Variants in TMEM178B observed in about 807,000 individuals in gnomAD.
TMEM178B encodes the protein transmembrane protein 178B.
In TMEM178B, 5 loss-of-function variants were observed where a neutral mutation model predicts 31.0. The ratio of observed to expected loss-of-function variants is 0.16; its 90% CI spans 0.08 to 0.34. TMEM178B has a LOEUF of 0.34. Among genes scored for constraint, TMEM178B ranks in the 10% least tolerant of loss-of-function variants. The pLI, the probability that TMEM178B is intolerant of heterozygous loss-of-function variation, is 1.00. For synonymous variants in TMEM178B, 164 were observed against 164.0 expected (o/e 1.00, Z 0.00); for missense variants, 275 against 400.3 (o/e 0.69, Z 2.67).
intron 1 of TMEM178B, among the ~76,000 whole-genome samples, chr7:141,180,183 A>G (rs1273332424): frequency 6.6e-6 from 1 of 152,176 alleles, no homozygotes; most frequent in Non-Finnish European, 1.5e-5. Context: ...AAAATTATGA[A>G]TCTAAAGAAA....
At chr7:141,156,697 C>T (rs569485875) in intron 1 of TMEM178B, among the ~76,000 whole-genome samples, 2 of 152,334 alleles carry the variant, frequency 1.3e-5, no homozygotes, top group South Asian at 4.1e-4. Flanking sequence ...TTGACTGCAT[C>T]TATTCTGCGT....
intron 2 of TMEM178B, among the ~76,000 whole-genome samples, chr7:141,285,795 A>T (rs1798439303): frequency 6.6e-6 from 1 of 152,190 alleles, no homozygotes; most frequent in Non-Finnish European, 1.5e-5. Context: ...CTTTGCAGGG[A>T]CATGGATGAA....
At chr7:141,267,406 C>A (rs1798111159) in intron 2 of TMEM178B, among the ~76,000 whole-genome samples, 1 of 152,188 alleles carries the variant, frequency 6.6e-6, no homozygotes, top group Non-Finnish European at 1.5e-5. Context: ...CAAGGCCCAG[C>A]CAGTAGTGGG....
intron 2 of TMEM178B, among the ~76,000 whole-genome samples, chr7:141,355,079 G>T (rs1256878794): frequency 6.6e-6 from 1 of 152,138 alleles, no homozygotes; most frequent in Non-Finnish European, 1.5e-5. Context: ...CCTCCACCAG[G>T]CTCTCTGCTG....
At chr7:141,228,317 T>C (rs1442631651) in intron 2 of TMEM178B, among the ~76,000 whole-genome samples, 3 of 152,082 alleles carry the variant, frequency 2.0e-5, no homozygotes, top group African/African-American at 7.2e-5. Flanking sequence ...TTCAGAAAAA[T>C]GTCAACTGAA....
At chr7:141,342,394 T>A (rs1240081405) in intron 2 of TMEM178B, among the ~76,000 whole-genome samples, 4 of 152,258 alleles carry the variant, frequency 2.6e-5, no homozygotes, top group Non-Finnish European at 4.4e-5. Flanking sequence ...GGTGGAATCC[T>A]TTGTTAAAAA....
At chr7:141,191,225 C>A (rs551195404) in intron 1 of TMEM178B, among the ~76,000 whole-genome samples, 1 of 152,136 alleles carries the variant, frequency 6.6e-6, no homozygotes, top group Non-Finnish European at 1.5e-5. Context: ...GGCTGTATTG[C>A]CTTCCATTGC....
intron 2 of TMEM178B, among the ~76,000 whole-genome samples, chr7:141,287,098 C>T (rs1231912616): frequency 1.3e-5 from 2 of 152,048 alleles, no homozygotes; most frequent in South Asian, 2.1e-4. Flanking sequence ...TTTTCGCCCT[C>T]CTTCCATCCA....
At chr7:141,238,120 C>T (rs1248268024) in intron 2 of TMEM178B, among the ~76,000 whole-genome samples, 5 of 151,870 alleles carry the variant, frequency 3.3e-5, no homozygotes, top group Non-Finnish European at 5.9e-5. Context: ...ACTGGGAAAC[C>T]GGTTGACTTC....
intron 2 of TMEM178B, among the ~76,000 whole-genome samples, chr7:141,434,257 C>T (rs1414289426): frequency 1.3e-5 from 2 of 152,202 alleles, no homozygotes; most frequent in Admixed American, 1.3e-4. Flanking sequence ...CCACTTAATT[C>T]CCCCAGGCAG....
intron 2 of TMEM178B, among the ~76,000 whole-genome samples, chr7:141,215,834 CTTTCTTTTCTTTTCT>C (rs199829606): frequency 3.5e-5 from 1 of 28,850 alleles, no homozygotes; most frequent in African/African-American, 9.1e-5. Context: ...TTCTTTCTTT[CTTTCTTTTCTTTTCT>C]TTTCTTTCTC....
intron 1 of TMEM178B, among the ~76,000 whole-genome samples, chr7:141,159,918 C>T (rs1029409248): frequency 3.3e-5 from 5 of 150,742 alleles, no homozygotes; most frequent in African/African-American, 1.2e-4. Flanking sequence ...TGAACACTAC[C>T]GAGCTGTTAA....
chr7:141,459,414 G>A (rs1802023668), intron 3 of TMEM178B, among the ~76,000 whole-genome samples: 1 of 152,180 alleles, frequency 6.6e-6, no homozygotes, highest in Admixed American at 6.5e-5. Context: ...TGCTGTGTGG[G>A]ATACCAAAGG....
intron 3 of TMEM178B, among the ~76,000 whole-genome samples, chr7:141,467,606 G>A (rs1802167725): frequency 6.6e-6 from 1 of 152,034 alleles, no homozygotes; most frequent in South Asian, 2.1e-4. Context: ...CTACACTTCT[G>A]ACTTAGTGGT....
chr7:141,295,417 A>AT (rs36120537), intron 2 of TMEM178B, among the ~76,000 whole-genome samples: 7 of 151,282 alleles, frequency 4.6e-5, no homozygotes, highest in African/African-American at 7.3e-5. Flanking sequence ...GTAATCCACT[A>AT]TTTTTTTTTC....
chr7:141,446,794 A>C (rs907087429), intron 3 of TMEM178B, among the ~76,000 whole-genome samples: 2 of 152,138 alleles, frequency 1.3e-5, no homozygotes, highest in Non-Finnish European at 2.9e-5. Flanking sequence ...TTGCAGAGTT[A>C]ATACATGTGA....
At chr7:141,443,074 T>C (rs2098611639) in intron 3 of TMEM178B, among the ~76,000 whole-genome samples, 1 of 152,248 alleles carries the variant, frequency 6.6e-6, no homozygotes, top group African/African-American at 2.4e-5. Flanking sequence ...AGAGAATCTC[T>C]GACTTCTTCC....
chr7:141,119,738 C>T (rs1394780145), intron 1 of TMEM178B, among the ~76,000 whole-genome samples: 3 of 152,066 alleles, frequency 2.0e-5, no homozygotes, highest in Admixed American at 6.6e-5. Context: ...GGGGTTATGT[C>T]GGTTGAGAGA....
intron 1 of TMEM178B, among the ~76,000 whole-genome samples, chr7:141,203,168 T>G (rs1796906479): frequency 6.6e-6 from 1 of 152,234 alleles, no homozygotes; most frequent in Non-Finnish European, 1.5e-5. Flanking sequence ...TTTGAGAAAA[T>G]GCTCTTTAAA....
Sources: allele counts gnomAD v4.1 joint callset (sites outside exome capture counted in the v4.1 genomes callset), GRCh38; gene constraint gnomAD v4.1.1; transcripts MANE v1.5; gene names NCBI Gene and HGNC (gene_info 2026-07-23, HGNC 2026-07-21).